The following KHDRBS2 variants were observed in gnomAD, a reference collection of about 807,000 sequenced individuals.
KHDRBS2 encodes KH RNA binding domain containing, signal transduction associated 2, also known as KH domain-containing, RNA-binding, signal transduction-associated protein 2.
A neutral mutation model predicts 44.3 loss-of-function variants in KHDRBS2; 26 were observed. The ratio of observed to expected loss-of-function variants is 0.59; its 90% CI spans 0.43 to 0.81. KHDRBS2 has a LOEUF of 0.81. Among genes scored for constraint, KHDRBS2 ranks in the 40% least tolerant of loss-of-function variants. The pLI, the probability that KHDRBS2 is intolerant of heterozygous loss-of-function variation, is 0.00. For synonymous variants in KHDRBS2, 194 were observed against 151.1 expected (o/e 1.28, Z -2.08); for missense variants, 476 against 433.1 (o/e 1.10, Z -0.88).
At chr6:61,804,209 T>G (rs1590258) in intron 6 of KHDRBS2, among the ~76,000 whole-genome samples, 51,013 of 151,972 alleles carry the variant, frequency 0.34, 9,006 homozygotes, top group African/African-American at 0.45. Context: ...TACCGGCCCC[T>G]TGCAAGTCTG....
chr6:62,169,476 G>C (rs149210409), intron 2 of KHDRBS2, among the ~76,000 whole-genome samples: 2 of 152,140 alleles, frequency 1.3e-5, no homozygotes, highest in East Asian at 3.9e-4. Context: ...GGAAAGAAAA[G>C]GGCTAGTGAA....
chr6:61,722,844 G>A (rs1404508637), intron 7 of KHDRBS2, among the ~76,000 whole-genome samples: 1 of 151,776 alleles, frequency 6.6e-6, no homozygotes, highest in Non-Finnish European at 1.5e-5. Flanking sequence ...TCAGTAGCTG[G>A]GACTACAAGC....
chr6:61,955,704 A>ATACATATATGTGTATATG (rs2127389512), intron 4 of KHDRBS2, among the ~76,000 whole-genome samples: 1 of 110,526 alleles, frequency 9.0e-6, no homozygotes, highest in African/African-American at 3.6e-5. Context: ...ATGTGTATAT[A>ATACATATATGTGTATATG]TACACATATG....
chr6:62,083,896 G>C (rs1254008424), intron 2 of KHDRBS2, among the ~76,000 whole-genome samples: 8 of 152,020 alleles, frequency 5.3e-5, no homozygotes, highest in Non-Finnish European at 1.2e-4. Flanking sequence ...ATTTATTATT[G>C]TCCTATTAGA....
chr6:61,994,751 G>T (rs1021958902), intron 3 of KHDRBS2, among the ~76,000 whole-genome samples: 1 of 152,116 alleles, frequency 6.6e-6, no homozygotes, highest in Non-Finnish European at 1.5e-5. Context: ...AATATTTATT[G>T]TAAGTGCAAT....
chr6:62,201,256 G>A (rs548328830), intron 1 of KHDRBS2, among the ~76,000 whole-genome samples: 2 of 151,804 alleles, frequency 1.3e-5, no homozygotes, highest in South Asian at 4.2e-4. Flanking sequence ...TTAGAGTAGG[G>A]ACAAGAATTC....
intron 2 of KHDRBS2, among the ~76,000 whole-genome samples, chr6:62,065,465 G>T (rs1324456073): frequency 6.6e-6 from 1 of 151,558 alleles, no homozygotes; most frequent in Non-Finnish European, 1.5e-5. Context: ...AAAAAATGAT[G>T]AGTTCATATC....
intron 6 of KHDRBS2, among the ~76,000 whole-genome samples, chr6:61,740,363 G>C (rs1245363572): frequency 2.0e-5 from 3 of 151,878 alleles, no homozygotes; most frequent in African/African-American, 7.2e-5. Flanking sequence ...AAACAGTAGG[G>C]AGTTGGACCA....
chr6:61,901,227 A>G lies in KHDRBS2; in HGVS notation c.611+17T>C. The G allele has an allele frequency of 1.9e-6, 3 of 1,604,178 alleles. No individual in the cohort carries two copies. Among genetic ancestry groups the G allele is most frequent in the Non-Finnish European group, 2.5e-6 (3 of 1,177,254 alleles). On this transcript the variant is annotated intron_variant, in intron 5 of 8. Transcript: ENST00000281156. ...CTGCCATCATCCTTAATTTATTTAAAGTAAGAATGAATGTACCTTGAAGGA... is the reference window on the plus strand; with the variant it reads ...CTGCCATCATCCTTAATTTATTTAAGGTAAGAATGAATGTACCTTGAAGGA...
At chr6:61,927,463 G>A (rs1345970630) in intron 4 of KHDRBS2, among the ~76,000 whole-genome samples, 5 of 152,124 alleles carry the variant, frequency 3.3e-5, no homozygotes, top group Non-Finnish European at 7.4e-5. Flanking sequence ...ATTCAAAAAA[G>A]TGGTGCTTGG....
At position 62,054,837 on chromosome 6, in the gene KHDRBS2, AT is replaced by A. The variant is rs368584893; in HGVS notation, c.220-6844del. ...CCACAACTGTAAAATAATGAATTTG[AT>A]TTGTTTTAAGCCATGAAGTTTAAGT... is the stretch of plus-strand genomic sequence containing the variant. On this transcript the variant is annotated intron_variant, in intron 2 of 8. Transcript: ENST00000281156. 4.3e-4 allele frequency among the ~76,000 whole-genome samples: 66 copies of A among 152,174 alleles called. 1 individual carries two copies. In the East Asian group the frequency reaches 0.011, roughly 25 times the overall value.
chr6:62,084,567 T>C (rs1003761292), intron 2 of KHDRBS2, among the ~76,000 whole-genome samples: 3 of 152,186 alleles, frequency 2.0e-5, no homozygotes, highest in African/African-American at 7.2e-5. Flanking sequence ...TCTGGAAATA[T>C]GAAAATTGTT....
At chr6:61,759,316 C>T (rs1284429922) in intron 6 of KHDRBS2, among the ~76,000 whole-genome samples, 1 of 152,028 alleles carries the variant, frequency 6.6e-6, no homozygotes, top group Admixed American at 6.6e-5. Flanking sequence ...TATGGTTTTG[C>T]ATTTTTGTCT....
At chr6:62,199,077 G>A (rs1463790806) in intron 1 of KHDRBS2, among the ~76,000 whole-genome samples, 6 of 152,118 alleles carry the variant, frequency 3.9e-5, no homozygotes. Flanking sequence ...AGGTATTAAT[G>A]GGACGTATTT....
chr6:61,773,806 G>GAATT (rs1381335885), intron 6 of KHDRBS2, among the ~76,000 whole-genome samples: 1 of 150,240 alleles, frequency 6.7e-6, no homozygotes, highest in Non-Finnish European at 1.5e-5. Context: ...AAACCATCTT[G>GAATT]AATTAATTTT....
intron 6 of KHDRBS2, among the ~76,000 whole-genome samples, chr6:61,853,588 A>T (rs1487524027): frequency 1.3e-5 from 2 of 152,200 alleles, no homozygotes; most frequent in African/African-American, 4.8e-5. Flanking sequence ...TTAAGCCAGC[A>T]TTTGCCATTT....
chr6:62,036,591 C>T (rs1785332349), intron 3 of KHDRBS2, among the ~76,000 whole-genome samples: 1 of 151,834 alleles, frequency 6.6e-6, no homozygotes, highest in Non-Finnish European at 1.5e-5. Flanking sequence ...ATTTATTTAA[C>T]TTAGGTTGCA....
At chr6:61,554,569 T>C in the KHDRBS2 span, among the ~76,000 whole-genome samples, 1 of 152,192 alleles carries the variant, frequency 6.6e-6, no homozygotes, top group Non-Finnish European at 1.5e-5. Flanking sequence ...TAGTGGGTTA[T>C]TATGCAGATA....
chr6:62,064,191 A>T (rs1243793159), intron 2 of KHDRBS2, among the ~76,000 whole-genome samples: 2 of 120,102 alleles, frequency 1.7e-5, no homozygotes, highest in African/African-American at 5.7e-5. Flanking sequence ...ATATTGTGAA[A>T]ATGGCCATAC....
Sources: allele counts gnomAD v4.1 joint callset (sites outside exome capture counted in the v4.1 genomes callset), GRCh38; gene constraint gnomAD v4.1.1; transcripts MANE v1.5; gene names NCBI Gene and HGNC (gene_info 2026-07-23, HGNC 2026-07-21).